Variants in CCDC125 observed in about 807,000 individuals in gnomAD.
CCDC125 encodes the protein coiled-coil domain-containing protein 125.
In CCDC125, 43 loss-of-function variants were observed where a neutral mutation model predicts 57.4. The ratio of observed to expected loss-of-function variants is 0.75; its 90% confidence interval spans 0.59 to 0.97. CCDC125 has a LOEUF of 0.97. Among genes scored for constraint, CCDC125 ranks in the 50% least tolerant of loss-of-function variants. The probability of loss-of-function intolerance (pLI) is 0.00; values close to 1 mark genes in which losing one functional copy is unlikely to be tolerated. For missense variants in CCDC125, 563 were observed against 595.7 expected (o/e 0.95, Z 0.57); for synonymous variants, 187 against 195.2 (o/e 0.96, Z 0.35).
At chr5:69,289,383 A>G (rs1304056684) in intron 10 of CCDC125, among the ~76,000 whole-genome samples, 1 of 152,238 alleles carries the variant, frequency 6.6e-6, no homozygotes, top group Non-Finnish European at 1.5e-5. Context: ...GGTCCGTGGT[A>G]GAACCAGGTA....
intron 3 of CCDC125, 143 bp downstream of exon 3, chr5:69,313,842 C>A: frequency 1.2e-6 from 1 of 849,504 alleles, no homozygotes; most frequent in Admixed American, 1.7e-5. Flanking sequence ...ACCTTGATGA[C>A]ACCATCAGAG....
At chr5:69,302,078 G>A (rs1756548647) in intron 7 of CCDC125, among the ~76,000 whole-genome samples, 1 of 151,046 alleles carries the variant, frequency 6.6e-6, no homozygotes, top group Non-Finnish European at 1.5e-5. Flanking sequence ...GCAAGACCCT[G>A]TGTGAAAATA....
intron 1 of CCDC125, among the ~76,000 whole-genome samples, chr5:69,322,560 CAAAAAAAAAATTTTTTTTTTTT>C (rs1241912618): frequency 1.4e-5 from 2 of 147,736 alleles, no homozygotes; most frequent in Non-Finnish European, 3.0e-5. Context: ...CCTGTCTCTA[CAAAAAAAAAATTTTTTTTTTTT>C]GAGACAGTCT....
At chr5:69,273,773 A>AT in the CCDC125 span, among the ~76,000 whole-genome samples, 3 of 152,192 alleles carry the variant, frequency 2.0e-5, no homozygotes, top group Admixed American at 6.6e-5. Flanking sequence ...AGCATACAAA[A>AT]TAGATTTTTT....
Position 69,282,683 on chromosome 5 carries a change from A to G in CCDC125, c.*46T>C. On this transcript the variant is annotated 3_prime_UTR_variant, in exon 12 of 12. Transcript: ENST00000396496. ...AATTTACAAAATCATTTTTCAAAGT[A>G]TCTCGATATAAACAACTCTCAGTTC... is the stretch of plus-strand genomic sequence containing the variant. The G allele has an allele frequency of 7.0e-7, 1 of 1,435,404 alleles. No homozygotes were observed. Among genetic ancestry groups the G allele is most frequent in the Non-Finnish European group, 9.4e-7 (1 of 1,067,340 alleles). The allele number at this position is 1,435,404 out of a possible 1,614,324, so 88.9% of individuals were successfully genotyped here.
downstream of CCDC125, among the ~76,000 whole-genome samples, chr5:69,278,648 T>C (rs1752318119): frequency 6.6e-6 from 1 of 151,774 alleles, no homozygotes; most frequent in Non-Finnish European, 1.5e-5. Context: ...CATAACAATG[T>C]ACAGCATTGT....
chr5:69,318,588 CA>C lies in CCDC125; in HGVS notation c.304+1648del, dbSNP rs111666293. 2.8e-3 allele frequency among the ~76,000 whole-genome samples: 368 copies of C among 130,094 alleles called. 1 individual carries two copies. The highest frequency in any genetic ancestry group is 6.2e-3 in the African/African-American group (215 of 34,500). The allele number at this position is 130,094 out of a possible 152,430, so 85.3% of individuals were successfully genotyped here. On this transcript the variant is annotated intron_variant, in intron 2 of 11. Coordinates refer to ENST00000396496, the MANE Select transcript of CCDC125 (RefSeq NM_176816.5). ...TGAAACCCCATCTCTACTAAAAATA[CA>C]AAAAAAAAAAAAAATTAGCCAGGCA...
At chr5:69,297,928 G>A (rs1279514739) in intron 8 of CCDC125, among the ~76,000 whole-genome samples, 3 of 151,628 alleles carry the variant, frequency 2.0e-5, no homozygotes, top group Admixed American at 1.3e-4. Flanking sequence ...AGCCATGATT[G>A]TGCCACTGTA....
At chr5:69,275,582 C>T (rs551799087), downstream of CCDC125, among the ~76,000 whole-genome samples, 61 of 152,204 alleles carry the variant, frequency 4.0e-4, no homozygotes, top group East Asian at 8.3e-3. Context: ...TGAATGATGA[C>T]GTGATGCCAC....
At chr5:69,313,666 C>T in intron 3 of CCDC125, 1 of 751,524 alleles carries the variant, frequency 1.3e-6, no homozygotes. Flanking sequence ...ACAAAGGTGG[C>T]ATAGGGGTTG....
intron 7 of CCDC125, among the ~76,000 whole-genome samples, chr5:69,302,109 A>T (rs1391093471): frequency 1.3e-5 from 2 of 151,602 alleles, no homozygotes; most frequent in Non-Finnish European, 2.9e-5. Flanking sequence ...TAAACAAATA[A>T]ATAAATAAAA....
Position 69,296,804 on chromosome 5 carries a change from A to C in CCDC125, c.817-1904T>G, listed in dbSNP as rs1475479403. Among the ~76,000 whole-genome samples, 14 of 151,680 alleles carry C rather than the reference A, an allele frequency of 9.2e-5. No homozygotes were observed. The East Asian group carries it at 2.8e-3, about 30-fold the overall frequency. On this transcript the variant is annotated intron_variant, in intron 8 of 11. Coordinates refer to ENST00000396496, the MANE Select transcript of CCDC125 (RefSeq NM_176816.5). ...CATGGTGAAACCTGTCTCTACTAAAAAATATAAAAATTAGCTGGGCATGGT... is the reference window on the plus strand; with the variant it reads ...CATGGTGAAACCTGTCTCTACTAAACAATATAAAAATTAGCTGGGCATGGT...
downstream of CCDC125, among the ~76,000 whole-genome samples, chr5:69,277,876 A>AT (rs1752284287): frequency 6.6e-6 from 1 of 152,074 alleles, no homozygotes; most frequent in African/African-American, 2.4e-5. Context: ...TAAAATTGAG[A>AT]TTCCCCCCAA....
chr5:69,273,808 C>T, the CCDC125 span, among the ~76,000 whole-genome samples: 3 of 152,068 alleles, frequency 2.0e-5, no homozygotes, highest in African/African-American at 7.2e-5. Context: ...TTCCAGGCTA[C>T]AAAATCATTG....
At chr5:69,323,015 T>A (rs544260199) in intron 1 of CCDC125, among the ~76,000 whole-genome samples, 4 of 151,798 alleles carry the variant, frequency 2.6e-5, no homozygotes, top group South Asian at 2.1e-4. Context: ...TCTCAAAAAA[T>A]TTTTTGTTCG....
At chr5:69,276,767 C>A (rs1051317258), downstream of CCDC125, 39 of 1,225,614 alleles carry the variant, frequency 3.2e-5, no homozygotes, top group African/African-American at 4.9e-4. Context: ...AGCGACTGAA[C>A]AACAGCAAAG....
intron 3 of CCDC125, chr5:69,313,623 G>A (rs373828758): frequency 5.4e-6 from 4 of 734,944 alleles, no homozygotes; most frequent in East Asian, 5.0e-5. Context: ...GTCATAGAGG[G>A]CGTAGAGGCA....
chr5:69,322,538 A>T (rs1334524369), intron 1 of CCDC125, among the ~76,000 whole-genome samples: 1 of 151,510 alleles, frequency 6.6e-6, no homozygotes, highest in Non-Finnish European at 1.5e-5. Flanking sequence ...AGCCTGGGCA[A>T]CACAGTGAGA....
chr5:69,298,275 A>G (rs1438628568), intron 8 of CCDC125, among the ~76,000 whole-genome samples: 2 of 152,082 alleles, frequency 1.3e-5, no homozygotes, highest in African/African-American at 2.4e-5. Flanking sequence ...CGGCCTCCCA[A>G]AGTGCTGGGA....
Sources: gnomAD v4.1 joint callset for allele counts (sites outside exome capture counted in the v4.1 genomes callset) on GRCh38, gnomAD v4.1.1 for gene constraint, MANE v1.5 for transcripts, NCBI Gene and HGNC (gene_info 2026-07-23, HGNC 2026-07-21) for gene names.